Variants in PLCB1 observed in about 807,000 individuals in gnomAD.
PLCB1 encodes 1-phosphatidylinositol 4,5-bisphosphate phosphodiesterase beta-1.
Under a neutral mutation model 161.8 loss-of-function variants are expected in PLCB1, and 46 were observed. The ratio of observed to expected loss-of-function variants is 0.28; its 90% CI spans 0.22 to 0.36. The LOEUF (loss-of-function observed/expected upper bound fraction) is 0.36, where lower values mean the gene tolerates loss of function less well. PLCB1 is among the 10% of genes least tolerant of loss of function. The probability of loss-of-function intolerance (pLI) is 1.00; values close to 1 mark genes in which losing one functional copy is unlikely to be tolerated. For synonymous variants in PLCB1, 517 were observed against 503.7 expected (o/e 1.03, Z -0.35); for missense variants, 1,016 against 1,472.5 (o/e 0.69, Z 5.07).
intron 2 of PLCB1, among the ~76,000 whole-genome samples, chr20:8,354,489 A>G (rs1986295568): frequency 6.6e-6 from 1 of 152,190 alleles, no homozygotes; most frequent in African/African-American, 2.4e-5. Context: ...TTTTCTCTTT[A>G]CTTCGTAATT....
intron 2 of PLCB1, among the ~76,000 whole-genome samples, chr20:8,307,345 A>G (rs191638517): frequency 5.9e-5 from 9 of 152,372 alleles, no homozygotes; most frequent in East Asian, 5.8e-4. Context: ...TGTCAGCTTC[A>G]AATGAATTAT....
At chr20:8,604,217 C>A (rs1483373747) in intron 3 of PLCB1, among the ~76,000 whole-genome samples, 1 of 133,294 alleles carries the variant, frequency 7.5e-6, no homozygotes, top group Non-Finnish European at 1.5e-5. Flanking sequence ...CATACCACTG[C>A]ACTCCAGCCT....
At chr20:8,798,264 A>G (rs974868842) in intron 31 of PLCB1, among the ~76,000 whole-genome samples, 6 of 152,178 alleles carry the variant, frequency 3.9e-5, no homozygotes, top group Admixed American at 1.3e-4. Context: ...GGATGGTCCA[A>G]ATAACCTAAT....
chr20:8,335,622 G>T (rs1355029615), intron 2 of PLCB1, among the ~76,000 whole-genome samples: 2 of 152,166 alleles, frequency 1.3e-5, no homozygotes, highest in Non-Finnish European at 2.9e-5. Context: ...CTGCCTTGGA[G>T]ATTGCTTGGT....
intron 31 of PLCB1, among the ~76,000 whole-genome samples, chr20:8,798,063 G>C (rs1207355906): frequency 6.6e-6 from 1 of 152,108 alleles, no homozygotes; most frequent in African/African-American, 2.4e-5. Context: ...CAGGCATGCT[G>C]GTGTGCACCT....
At chr20:8,612,695 T>C (rs1987937517) in intron 3 of PLCB1, among the ~76,000 whole-genome samples, 1 of 152,176 alleles carries the variant, frequency 6.6e-6, no homozygotes, top group Non-Finnish European at 1.5e-5. Flanking sequence ...CCTGTGCTCT[T>C]GAGAGCTTAA....
At position 8,484,102 on chromosome 20, in the gene PLCB1, C is replaced by T. The variant is rs574788164; in HGVS notation, c.246+112652C>T. The stretch of plus-strand genomic sequence containing the variant: ...CCATAATGGCACGATCTTGGCTCAC[C>T]ACAACCTCAGCCTCACGGGTTCAAA... On this transcript the variant is annotated intron_variant, in intron 3 of 31. Transcript: ENST00000338037. Among the ~76,000 whole-genome samples, 139 of 152,280 alleles carry T rather than the reference C, an allele frequency of 9.1e-4. 1 individual carries two copies. The highest frequency in any genetic ancestry group is 1.3e-4 in the Non-Finnish European group (9 of 68,018).
intron 3 of PLCB1, among the ~76,000 whole-genome samples, chr20:8,514,808 A>C (rs1984045128): frequency 6.6e-6 from 1 of 152,150 alleles, no homozygotes; most frequent in Non-Finnish European, 1.5e-5. Context: ...TGGTTCATGT[A>C]AAGTAATTTT....
At chr20:8,146,090 GTTTTTGTTT>G (rs1393716142) in intron 1 of PLCB1, among the ~76,000 whole-genome samples, 5 of 124,380 alleles carry the variant, frequency 4.0e-5, no homozygotes, top group Non-Finnish European at 6.5e-5. Flanking sequence ...TCTTCTTACT[GTTTTTGTTT>G]TTTTTGTTTT....
intron 3 of PLCB1, among the ~76,000 whole-genome samples, chr20:8,453,180 G>A (rs1458667979): frequency 6.6e-6 from 1 of 152,162 alleles, no homozygotes; most frequent in Non-Finnish European, 1.5e-5. Context: ...GCACTACTTA[G>A]GCAAGAGGCC....
intron 2 of PLCB1, among the ~76,000 whole-genome samples, chr20:8,244,190 A>C: frequency 6.6e-6 from 1 of 151,924 alleles, no homozygotes; most frequent in Non-Finnish European, 1.5e-5. Context: ...CCACTTTGGA[A>C]AACTATTTAT....
chr20:8,233,319 A>G (rs891050127), intron 2 of PLCB1, among the ~76,000 whole-genome samples: 21 of 152,188 alleles, frequency 1.4e-4, no homozygotes, highest in African/African-American at 4.6e-4. Context: ...ACAAAGGGAT[A>G]TGGAACACAG....
At chr20:8,385,712 C>T (rs1227068987) in intron 3 of PLCB1, among the ~76,000 whole-genome samples, 1 of 152,204 alleles carries the variant, frequency 6.6e-6, no homozygotes, top group African/African-American at 2.4e-5. Context: ...ATGGTTTCCC[C>T]GGCTGGGTAG....
At chr20:8,599,948 C>T (rs1987485736) in intron 3 of PLCB1, among the ~76,000 whole-genome samples, 6 of 143,746 alleles carry the variant, frequency 4.2e-5, no homozygotes, top group African/African-American at 1.6e-4. Context: ...TTTTCAGCTC[C>T]ATCAGCTCCT....
intron 2 of PLCB1, among the ~76,000 whole-genome samples, chr20:8,201,442 A>G (rs545281908): frequency 6.6e-6 from 1 of 152,256 alleles, no homozygotes; most frequent in South Asian, 2.1e-4. Context: ...AAATTTTTTT[A>G]GCAAAAACTT....
At chr20:8,201,024 CTAATATTT>C (rs2052086433) in intron 2 of PLCB1, among the ~76,000 whole-genome samples, 1 of 152,052 alleles carries the variant, frequency 6.6e-6, no homozygotes, top group African/African-American at 2.4e-5. Flanking sequence ...AAACTTCTTG[CTAATATTT>C]TATTTTGCAT....
At chr20:8,202,511 A>G (rs1298695832) in intron 2 of PLCB1, among the ~76,000 whole-genome samples, 2 of 152,256 alleles carry the variant, frequency 1.3e-5, no homozygotes, top group East Asian at 3.8e-4. Flanking sequence ...CTGTTTCTAC[A>G]GTGATATCTA....
At chr20:8,268,125 C>T (rs1361810429) in intron 2 of PLCB1, among the ~76,000 whole-genome samples, 2 of 152,080 alleles carry the variant, frequency 1.3e-5, no homozygotes, top group Non-Finnish European at 2.9e-5. Context: ...TCTCCCCCCA[C>T]CTCATGACCG....
chr20:8,366,575 A>G (rs1280573406), intron 2 of PLCB1, among the ~76,000 whole-genome samples: 1 of 152,222 alleles, frequency 6.6e-6, no homozygotes, highest in Non-Finnish European at 1.5e-5. Flanking sequence ...GTCAATAGAC[A>G]GTTACAATAT....
Sources: gnomAD v4.1 joint callset for allele counts (sites outside exome capture counted in the v4.1 genomes callset) on GRCh38, gnomAD v4.1.1 for gene constraint, MANE v1.5 for transcripts, NCBI Gene and HGNC (gene_info 2026-07-23, HGNC 2026-07-21) for gene names.